TLCD4: variants seen among roughly 807,000 people sequenced by gnomAD.
TLCD4 encodes the protein TLC domain containing 4.
TLCD4 carries 7 observed loss-of-function variants against 24.2 expected under a neutral mutation model. That is an observed-to-expected ratio of 0.29 (90% CI 0.16 to 0.54). The LOEUF is 0.54. Ranked by LOEUF, TLCD4 falls within the 20% of genes least tolerant of loss-of-function variation. TLCD4 has a pLI of 0.95. For missense variants in TLCD4, 259 were observed against 313.9 expected, an observed-to-expected ratio of 0.82 and a Z score of 1.32; for synonymous variants, 103 against 106.4, an observed-to-expected ratio of 0.97 and a Z score of 0.20.
At chr1:95,098,225 G>T in the TLCD4 span, among the ~76,000 whole-genome samples, 1 of 151,944 alleles carries the variant, frequency 6.6e-6, no homozygotes, top group Non-Finnish European at 1.5e-5. Context: ...TGGTTTTTTT[G>T]ACTTCAATAC....
At chr1:95,102,146 A>G in the TLCD4 span, among the ~76,000 whole-genome samples, 270 of 152,334 alleles carry the variant, frequency 1.8e-3, no homozygotes, top group African/African-American at 6.3e-3. Context: ...AAAAGAAAAG[A>G]TATGAGATCA....
At chr1:95,169,434 T>C (rs1038497215) in intron 5 of TLCD4, among the ~76,000 whole-genome samples, 5 of 152,206 alleles carry the variant, frequency 3.3e-5, no homozygotes, top group African/African-American at 1.2e-4. Context: ...TTGGCCAAAG[T>C]TGTTTAGATG....
At chr1:95,148,887 T>G in intron 3 of TLCD4, 96 bp downstream of exon 3, 2 of 1,443,228 alleles carry the variant, frequency 1.4e-6, no homozygotes, top group South Asian at 1.3e-5. Flanking sequence ...GAAAACATAT[T>G]GATCGTATAT....
chr1:95,106,212 G>C, the TLCD4 span, among the ~76,000 whole-genome samples: 2 of 152,228 alleles, frequency 1.3e-5, no homozygotes, highest in African/African-American at 4.8e-5. Flanking sequence ...TGTAACAAAA[G>C]AAACAATTTC....
At chr1:95,150,149 A>G in intron 3 of TLCD4, 59 bp from the exon 4 acceptor site, 1 of 1,549,446 alleles carries the variant, frequency 6.5e-7, no homozygotes. Context: ...TATAGAAAAA[A>G]GAAGTAGCGG....
chr1:95,173,751 T>C, intron 5 of TLCD4, 65 bp from the exon 6 acceptor site: 2 of 1,605,442 alleles, frequency 1.2e-6, no homozygotes, highest in Admixed American at 1.7e-5. Flanking sequence ...TGGATATTTC[T>C]ACGGTATTTG....
At chr1:95,142,572 C>T (rs934954668) in intron 1 of TLCD4, among the ~76,000 whole-genome samples, 2 of 152,018 alleles carry the variant, frequency 1.3e-5, no homozygotes, top group South Asian at 2.1e-4. Context: ...CTCAAGAGCC[C>T]GGTTACAGAA....
chr1:95,125,837 G>A (rs945277111), intron 1 of TLCD4, among the ~76,000 whole-genome samples: 1 of 152,134 alleles, frequency 6.6e-6, no homozygotes, highest in Non-Finnish European at 1.5e-5. Context: ...TATTAAATAG[G>A]TGTAACATTT....
intron 5 of TLCD4, among the ~76,000 whole-genome samples, chr1:95,158,188 CTTTT>C (rs5776255): frequency 9.3e-5 from 12 of 128,786 alleles, no homozygotes; most frequent in Non-Finnish European, 9.8e-5. Flanking sequence ...TTAATTTTTT[CTTTT>C]TTTTTTTTTT....
rs190671156 is a variant in TLCD4 at position 95,194,439 on chromosome 1, C to T, written c.*2571C>T. ...AAGACAGAACATATCATTTACTGCA[C>T]GATGAATTTTTCATTTATTAAATGA... On this transcript the variant is annotated 3_prime_UTR_variant, in exon 7 of 7. Transcript: ENST00000370203. 10 of 148,500 alleles carry T rather than the reference C, an allele frequency of 6.7e-5. No individual in the cohort carries two copies. Among genetic ancestry groups the T allele is most frequent in the African/African-American group, 1.8e-4 (7 of 39,450 alleles). The allele number at this position is 148,500 out of a possible 1,614,324, so 9.2% of individuals were successfully genotyped here.
intron 6 of TLCD4, among the ~76,000 whole-genome samples, chr1:95,187,461 G>A (rs1049562559): frequency 6.6e-6 from 1 of 152,062 alleles, no homozygotes; most frequent in African/African-American, 2.4e-5. Flanking sequence ...TACTGATCAG[G>A]TGTTTTGTAG....
chr1:95,105,894 TAA>T, the TLCD4 span, among the ~76,000 whole-genome samples: 7 of 115,348 alleles, frequency 6.1e-5, no homozygotes, highest in Non-Finnish European at 8.7e-5. Flanking sequence ...GACTCCGTCT[TAA>T]AAAAAAAAAA....
chr1:95,174,647 C>A (rs1435687256), intron 6 of TLCD4, among the ~76,000 whole-genome samples: 1 of 152,034 alleles, frequency 6.6e-6, no homozygotes, highest in Non-Finnish European at 1.5e-5. Flanking sequence ...GAGCTGAGAT[C>A]CAGCCTGGGC....
At chr1:95,168,514 A>G (rs1378729847) in intron 5 of TLCD4, among the ~76,000 whole-genome samples, 1 of 134,808 alleles carries the variant, frequency 7.4e-6, no homozygotes, top group Non-Finnish European at 1.6e-5. Flanking sequence ...TAAAATCTGG[A>G]TGGCTTTCTC....
intron 5 of TLCD4, among the ~76,000 whole-genome samples, chr1:95,167,444 A>G (rs61773117): frequency 7.4e-4 from 112 of 152,248 alleles, no homozygotes; most frequent in Admixed American, 1.7e-3. Flanking sequence ...TCTGTTGGGA[A>G]ATGCTGAGTG....
At chr1:95,107,196 T>C in the TLCD4 span, among the ~76,000 whole-genome samples, 10 of 152,116 alleles carry the variant, frequency 6.6e-5, no homozygotes, top group East Asian at 1.9e-3. Flanking sequence ...GGCCAAGGCA[T>C]GCGGATCATG....
chr1:95,118,832 C>T (rs912048607), intron 1 of TLCD4, among the ~76,000 whole-genome samples: 2 of 152,112 alleles, frequency 1.3e-5, no homozygotes, highest in African/African-American at 4.8e-5. Flanking sequence ...GTATTCCCGC[C>T]GTGTTAGAAA....
chr1:95,093,386 AC>A, the TLCD4 span, among the ~76,000 whole-genome samples: 2 of 152,210 alleles, frequency 1.3e-5, no homozygotes, highest in African/African-American at 2.4e-5. Context: ...TTCTGTTCTA[AC>A]CTTGCATATT....
chr1:95,094,803 T>C, the TLCD4 span, among the ~76,000 whole-genome samples: 1 of 152,196 alleles, frequency 6.6e-6, no homozygotes, highest in African/African-American at 2.4e-5. Context: ...TTTGTGATCA[T>C]ATGTTAGGCA....
Sources: gnomAD v4.1 joint callset for allele counts (sites outside exome capture counted in the v4.1 genomes callset) on GRCh38, gnomAD v4.1.1 for gene constraint, MANE v1.5 for transcripts, NCBI Gene and HGNC (gene_info 2026-07-23, HGNC 2026-07-21) for gene names.